The following WWOX variants were observed in gnomAD, a reference collection of about 807,000 sequenced individuals.
WWOX encodes the protein WW domain-containing oxidoreductase.
A neutral mutation model predicts 46.2 loss-of-function variants in WWOX; 69 were observed. That is an observed-to-expected ratio of 1.49 (90% CI 1.23 to 1.82). The LOEUF is 1.82. Among genes scored for constraint, WWOX ranks in the 40% most tolerant of loss-of-function variants. The pLI is 0.00. For synonymous variants in WWOX, 359 were observed against 202.6 expected (o/e 1.77, Z -6.56); for missense variants, 919 against 542.6 (o/e 1.69, Z -6.89).
intron 5 of WWOX, among the ~76,000 whole-genome samples, chr16:78,254,053 A>G (rs2038055617): frequency 6.6e-6 from 1 of 151,880 alleles, no homozygotes; most frequent in Non-Finnish European, 1.5e-5. Context: ...GGTCTTTTTT[A>G]ATGTCTTTCG....
At chr16:78,550,627 C>T (rs1380927242) in intron 8 of WWOX, 1 of 152,158 alleles carries the variant, frequency 6.6e-6, no homozygotes, top group Non-Finnish European at 1.5e-5. Context: ...TGACATAACT[C>T]AAAGTGCTTG....
At chr16:78,930,255 C>CTTCCTTCCTTCG (rs1366613511) in intron 8 of WWOX, among the ~76,000 whole-genome samples, 2 of 126,836 alleles carry the variant, frequency 1.6e-5, no homozygotes, top group African/African-American at 6.3e-5. Context: ...TCCTTCCTTC[C>CTTCCTTCCTTCG]TTCCTTCCTT....
intron 5 of WWOX, among the ~76,000 whole-genome samples, chr16:78,346,764 G>C (rs551811214): frequency 1.7e-5 from 2 of 120,718 alleles, no homozygotes; most frequent in African/African-American, 5.6e-5. Flanking sequence ...GAGAGCAGTG[G>C]TGTGATCTTG....
At chr16:79,147,278 G>A (rs1311273174) in intron 8 of WWOX, among the ~76,000 whole-genome samples, 1 of 152,074 alleles carries the variant, frequency 6.6e-6, no homozygotes, top group East Asian at 1.9e-4. Flanking sequence ...CTGACCCCTG[G>A]CAACCACTAA....
At chr16:78,757,829 C>G (rs1325698300) in intron 8 of WWOX, among the ~76,000 whole-genome samples, 1 of 151,946 alleles carries the variant, frequency 6.6e-6, no homozygotes, top group African/African-American at 2.4e-5. Context: ...TTTCTTCAGC[C>G]TCTTCTGACA....
intron 5 of WWOX, among the ~76,000 whole-genome samples, chr16:78,317,524 G>A (rs117480044): frequency 5.1e-4 from 77 of 152,248 alleles, no homozygotes; most frequent in Non-Finnish European, 8.8e-5. Flanking sequence ...GACAAGCATC[G>A]GGTTGGATAA....
chr16:78,834,546 C>T (rs890550094), intron 8 of WWOX, among the ~76,000 whole-genome samples: 1 of 152,120 alleles, frequency 6.6e-6, no homozygotes, highest in Non-Finnish European at 1.5e-5. Flanking sequence ...TGAAGGCTGG[C>T]AGAAAGGACC....
intron 8 of WWOX, among the ~76,000 whole-genome samples, chr16:78,720,831 T>G (rs932392146): frequency 1.3e-5 from 2 of 152,092 alleles, no homozygotes; most frequent in Admixed American, 1.3e-4. Context: ...GATACTTTCT[T>G]GGGGAGAGAA....
intron 8 of WWOX, among the ~76,000 whole-genome samples, chr16:79,076,229 T>C (rs1469423046): frequency 6.6e-6 from 1 of 152,246 alleles, no homozygotes; most frequent in East Asian, 1.9e-4. Context: ...GGGTTATGTG[T>C]GACCACACAC....
At chr16:78,678,650 G>C (rs965368587) in intron 8 of WWOX, among the ~76,000 whole-genome samples, 1 of 152,168 alleles carries the variant, frequency 6.6e-6, no homozygotes, top group Non-Finnish European at 1.5e-5. Context: ...ATGGAGTCTT[G>C]GAGGGTAGGG....
chr16:78,976,958 C>G (rs1265478582), intron 8 of WWOX, among the ~76,000 whole-genome samples: 1 of 152,286 alleles, frequency 6.6e-6, no homozygotes, highest in South Asian at 2.1e-4. Flanking sequence ...GATTTGACAC[C>G]TCTTTTTTTG....
At chr16:78,488,471 C>G (rs2084694983) in intron 8 of WWOX, among the ~76,000 whole-genome samples, 2 of 152,092 alleles carry the variant, frequency 1.3e-5, no homozygotes, top group African/African-American at 4.8e-5. Flanking sequence ...TCCTGAGATT[C>G]CCTCTTTAAG....
intron 8 of WWOX, among the ~76,000 whole-genome samples, chr16:78,804,025 A>C (rs2050962642): frequency 6.6e-6 from 1 of 152,104 alleles, no homozygotes; most frequent in South Asian, 2.1e-4. Flanking sequence ...CAGCCCCATC[A>C]CTATGAGATG....
intron 5 of WWOX, among the ~76,000 whole-genome samples, chr16:78,175,754 A>G (rs533686605): frequency 9.9e-5 from 15 of 152,230 alleles, no homozygotes; most frequent in Non-Finnish European, 2.2e-4. Context: ...ATATGGTAAG[A>G]TACCAAATGG....
chr16:78,564,171 T>C (rs999282418), intron 8 of WWOX, among the ~76,000 whole-genome samples: 2 of 152,252 alleles, frequency 1.3e-5, no homozygotes, highest in Non-Finnish European at 2.9e-5. Flanking sequence ...TCATGCAATC[T>C]TGAGCTAAAA....
At chr16:78,780,744 C>G (rs546158887) in intron 8 of WWOX, among the ~76,000 whole-genome samples, 1 of 152,238 alleles carries the variant, frequency 6.6e-6, no homozygotes, top group South Asian at 2.1e-4. Flanking sequence ...AGCTCAGCCT[C>G]TTTGTTAGCT....
intron 6 of WWOX, among the ~76,000 whole-genome samples, chr16:78,407,479 C>T (rs931968997): frequency 1.3e-5 from 2 of 152,192 alleles, no homozygotes; most frequent in African/African-American, 4.8e-5. Flanking sequence ...AATCTTGCCT[C>T]ACTTTTGGGG....
At position 79,212,490 on chromosome 16, in the gene WWOX, G is replaced by T. The variant is rs985566776; in HGVS notation, c.*694G>T. On this transcript the variant is annotated 3_prime_UTR_variant, in exon 9 of 9. Transcript: ENST00000566780. Reference sequence around the variant, plus strand: ...CATTCCTTAGATACCTTGAAAGGCAGGAAGGGAAGCGTATATACTTAAGAA... The same window carrying T: ...CATTCCTTAGATACCTTGAAAGGCATGAAGGGAAGCGTATATACTTAAGAA... The T allele has an allele frequency of 4.6e-6, 1 of 218,882 alleles. No individual in the cohort carries two copies. The highest frequency in any genetic ancestry group is 5.1e-5 in the Admixed American group (1 of 19,498). The allele number at this position is 218,882 out of a possible 1,614,324, so 13.6% of individuals were successfully genotyped here. A position where few individuals can be genotyped will look rare whatever the true frequency, so the allele number is the denominator to read the frequency against.
At chr16:79,069,306 C>T (rs774305296) in intron 8 of WWOX, among the ~76,000 whole-genome samples, 4 of 152,192 alleles carry the variant, frequency 2.6e-5, no homozygotes, top group East Asian at 1.9e-4. Context: ...CGTGTGGCTT[C>T]GCATTAATCA....
Sources: allele counts gnomAD v4.1 joint callset (sites outside exome capture counted in the v4.1 genomes callset), GRCh38; gene constraint gnomAD v4.1.1; transcripts MANE v1.5; gene names NCBI Gene and HGNC (gene_info 2026-07-23, HGNC 2026-07-21).